The following DSN1 variants were observed in gnomAD, a reference collection of about 807,000 sequenced individuals.
DSN1 encodes the protein DSN1 component of MIS12 kinetochore complex.
DSN1 carries 31 observed loss-of-function variants against 45.7 expected under a neutral mutation model. The ratio of observed to expected loss-of-function variants is 0.68; its 90% confidence interval spans 0.51 to 0.92. DSN1 has a LOEUF of 0.92. Among genes scored for constraint, DSN1 ranks in the 40% least tolerant of loss-of-function variants. DSN1 has a pLI of 0.00. For synonymous variants in DSN1, 134 were observed against 142.3 expected (o/e 0.94, Z 0.41); for missense variants, 394 against 414.2 (o/e 0.95, Z 0.42).
rs1302793524 is a variant in DSN1 at position 36,754,853 on chromosome 20, G to A, written c.874-3C>T. ...ACTGATCCTTGCAGTTCATCCATCT[G>A]TAGAAAAAAGACAGCTGTGAGCTGT... On this transcript the variant is annotated splice_region_variant and splice_polypyrimidine_tract_variant and intron_variant, in intron 9 of 10. Coordinates refer to ENST00000373750, the MANE Select transcript of DSN1 (RefSeq NM_001145315.2). 2 of 1,613,390 alleles carry A rather than the reference G, an allele frequency of 1.2e-6. No individual in the cohort carries two copies. Among genetic ancestry groups the A allele is most frequent in the East Asian group, 2.2e-5 (1 of 44,864 alleles).
At chr20:36,757,311 G>A (rs1601003682) in intron 8 of DSN1, among the ~76,000 whole-genome samples, 1 of 151,892 alleles carries the variant, frequency 6.6e-6, no homozygotes, top group South Asian at 2.1e-4. Context: ...AGCCGAGATC[G>A]TGCCACTGCA....
intron 6 of DSN1, 104 bp downstream of exon 6, chr20:36,762,357 A>C: frequency 5.5e-6 from 5 of 910,108 alleles, no homozygotes; most frequent in Non-Finnish European, 8.1e-6. Flanking sequence ...TAATCCGCCC[A>C]CCTCGGCCTC....
chr20:36,753,026 T>C, intron 10 of DSN1, 129 bp from the exon 11 acceptor site: 1 of 720,912 alleles, frequency 1.4e-6, no homozygotes, highest in Non-Finnish European at 2.3e-6. Flanking sequence ...GTCTCTGGCC[T>C]CAAGGAGATG....
Position 36,760,324 on chromosome 20 carries a change from C to G in DSN1, c.591-1707G>C, listed in dbSNP as rs6102121. 6.7e-3 allele frequency among the ~76,000 whole-genome samples: 1,022 copies of G among 152,270 alleles called. 13 individuals are homozygous for G. The highest frequency in any genetic ancestry group is 0.023 in the African/African-American group (961 of 41,566). The stretch of plus-strand genomic sequence containing the variant: ...AGAAGAAAAGTCAAAACTCCTTAAC[C>G]TGGCACTTAAGGCTCTCTGTGTTCT... On this transcript the variant is annotated intron_variant, in intron 6 of 10. Transcript: ENST00000373750.
intron 6 of DSN1, among the ~76,000 whole-genome samples, chr20:36,760,337 C>T (rs919568096): frequency 6.6e-6 from 1 of 152,184 alleles, no homozygotes; most frequent in Non-Finnish European, 1.5e-5. Flanking sequence ...GCACTTAAGG[C>T]TCTCTGTGTT....
At position 36,762,597 on chromosome 20, in the gene DSN1, T is replaced by C. The variant is rs557042928; in HGVS notation, c.503-49A>G. ...CATAAAATAAAGGAAATATACGTTT[T>C]CATAGTGAGATGCTGACAAAGGTAT... On this transcript the variant is annotated intron_variant, in intron 5 of 10. Transcript: ENST00000373750. The C allele has an allele frequency of 5.4e-5, 83 of 1,543,262 alleles. No individual in the cohort carries two copies. In the South Asian group the frequency reaches 9.1e-4, roughly 17 times the overall value.
intron 7 of DSN1, 95 bp from the exon 8 acceptor site, chr20:36,758,256 T>C (rs188386405): frequency 5.0e-6 from 6 of 1,210,764 alleles, no homozygotes; most frequent in Middle Eastern, 2.2e-4. Flanking sequence ...ACAATCTGGA[T>C]GTAAAATGTG....
chr20:36,753,191 AAAAC>A (rs1986467138), intron 10 of DSN1, among the ~76,000 whole-genome samples: 1 of 151,948 alleles, frequency 6.6e-6, no homozygotes, highest in Non-Finnish European at 1.5e-5. Flanking sequence ...AAAAAAAAAA[AAAAC>A]AATTAGCCTA....
intron 1 of DSN1, among the ~76,000 whole-genome samples, chr20:36,772,292 TTTTTG>T (rs1987691225): frequency 5.9e-4 from 1 of 1,690 alleles, no homozygotes. Flanking sequence ...CTATTCTTTG[TTTTTG>T]TTTTTTTTTG....
At chr20:36,757,529 G>A (rs1601004059) in intron 8 of DSN1, among the ~76,000 whole-genome samples, 2 of 152,028 alleles carry the variant, frequency 1.3e-5, no homozygotes, top group African/African-American at 4.8e-5. Context: ...CTCAGATGGC[G>A]CCATGCACTC....
intron 8 of DSN1, among the ~76,000 whole-genome samples, chr20:36,757,454 C>G (rs569646509): frequency 3.5e-4 from 53 of 152,172 alleles, no homozygotes; most frequent in Admixed American, 1.1e-3. Context: ...TGGCAGACAC[C>G]TGTAGTCCCA....
chr20:36,752,515 A>T lies in DSN1; in HGVS notation c.*273T>A. 3.0e-6 allele frequency: 1 copy of T among 338,790 alleles called. No individual in the cohort carries two copies. The allele number at this position is 338,790 out of a possible 1,614,324, so 21.0% of individuals were successfully genotyped here. On this transcript the variant is annotated 3_prime_UTR_variant, in exon 11 of 11. Transcript: ENST00000373750. Reference sequence around the variant, plus strand: ...ACCTGAAAAACACCTTCACAGGATAAAGATAAAAGAATGGGCCACTGGATC... The same window carrying T: ...ACCTGAAAAACACCTTCACAGGATATAGATAAAAGAATGGGCCACTGGATC...
In DSN1 at chr20:36,752,749, T is replaced by C. The variant is rs1986440085; in HGVS notation, c.*39A>G. ...CGTGCTGGGGCACTCTTCCCATTCC[T>C]CTCCTCTTGGGCACCTTGTGGCAGA... is the stretch of plus-strand genomic sequence containing the variant. On this transcript the variant is annotated 3_prime_UTR_variant, in exon 11 of 11. Transcript: ENST00000373750. 3 of 1,562,368 alleles carry C rather than the reference T, an allele frequency of 1.9e-6. No individual in the cohort carries two copies. The highest frequency in any genetic ancestry group is 2.6e-6 in the Non-Finnish European group (3 of 1,133,704).
chr20:36,755,660 A>G (rs756034281), intron 9 of DSN1, 22 bp downstream of exon 9: 1 of 1,605,768 alleles, frequency 6.2e-7, no homozygotes, highest in Admixed American at 1.7e-5. Context: ...TAACTCAACT[A>G]AATAAACATG....
At position 36,751,946 on chromosome 20, in the gene DSN1, C is replaced by G. The variant is rs1986403313; in HGVS notation, c.*842G>C. On this transcript the variant is annotated 3_prime_UTR_variant, in exon 11 of 11. Coordinates refer to ENST00000373750, the MANE Select transcript of DSN1 (RefSeq NM_001145315.2). ...AAAAACTGAAGCACACTACAGACAA[C>G]AGGACATAGAGAATGAGTGGTATTT... The G allele has an allele frequency of 6.6e-6, 1 of 152,180 alleles. No individual in the cohort carries two copies. The highest frequency in any genetic ancestry group is 1.5e-5 in the Non-Finnish European group (1 of 68,030). The allele number at this position is 152,180 out of a possible 1,614,324, so 9.4% of individuals were successfully genotyped here.
chr20:36,771,558 C>A, intron 1 of DSN1, 85 bp from the exon 2 acceptor site: 1 of 1,318,780 alleles, frequency 7.6e-7, no homozygotes, highest in Non-Finnish European at 1.1e-6. Flanking sequence ...ATAAATAGGC[C>A]GTGTGCTTTC....
chr20:36,762,633 T>C, intron 5 of DSN1, 85 bp from the exon 6 acceptor site: 1 of 1,254,318 alleles, frequency 8.0e-7, no homozygotes, highest in Non-Finnish European at 1.1e-6. Context: ...ATTAAGGTAG[T>C]CTCAGCTCTA....
At position 36,762,448 on chromosome 20, in the gene DSN1, G is replaced by T; in HGVS notation, c.590+13C>A. On this transcript the variant is annotated intron_variant, in intron 6 of 10. Transcript: ENST00000373750. Reference sequence around the variant, plus strand: ...TCAATCATAATTTAGGACAGAAGGGGAACTGCTCTTACCCATTTGAATCTT... The same window carrying T: ...TCAATCATAATTTAGGACAGAAGGGTAACTGCTCTTACCCATTTGAATCTT... 6.2e-7 allele frequency: 1 copy of T among 1,610,080 alleles called. No homozygotes were observed. Among genetic ancestry groups the T allele is most frequent in the South Asian group, 1.1e-5 (1 of 90,658 alleles).
intron 3 of DSN1, among the ~76,000 whole-genome samples, chr20:36,769,902 TACACACACACACACACACACAC>T (rs66970744): frequency 2.6e-5 from 3 of 117,338 alleles, no homozygotes; most frequent in Non-Finnish European, 3.3e-5. Flanking sequence ...TCACTGTAGA[TACACACACACACACACACACAC>T]ACACACACAC....
Sources: allele counts gnomAD v4.1 joint callset (sites outside exome capture counted in the v4.1 genomes callset), GRCh38; gene constraint gnomAD v4.1.1; transcripts MANE v1.5; gene names NCBI Gene and HGNC (gene_info 2026-07-23, HGNC 2026-07-21).